The following C6orf52 variants were observed in gnomAD, a reference collection of about 807,000 sequenced individuals.
C6orf52 encodes chromosome 6 open reading frame 52, also known as putative uncharacterized protein C6orf52.
In C6orf52, 16 loss-of-function variants were observed where a neutral mutation model predicts 16.6. The ratio of observed to expected loss-of-function variants is 0.96; its 90% CI spans 0.65 to 1.46. The LOEUF is 1.46. Ranked by LOEUF, C6orf52 falls within the 40% of genes most tolerant of loss-of-function variation. C6orf52 has a pLI of 0.00. For missense variants in C6orf52, 166 were observed against 182.3 expected (o/e 0.91, Z 0.52); for synonymous variants, 53 against 61.4 (o/e 0.86, Z 0.64).
intron 1 of C6orf52, among the ~76,000 whole-genome samples, chr6:10,690,435 G>C (rs569345142): frequency 6.6e-6 from 1 of 152,064 alleles, no homozygotes; most frequent in Non-Finnish European, 1.5e-5. Context: ...ATACATTCAC[G>C]TGCAACCTCC....
At chr6:10,692,213 T>C (rs878958299) in intron 1 of C6orf52, among the ~76,000 whole-genome samples, 3 of 152,092 alleles carry the variant, frequency 2.0e-5, no homozygotes, top group Non-Finnish European at 2.9e-5. Context: ...TAAACAGATA[T>C]GTTGTGGAGT....
At chr6:10,686,421 G>GGT (rs1194479723) in intron 3 of C6orf52, among the ~76,000 whole-genome samples, 1 of 152,058 alleles carries the variant, frequency 6.6e-6, no homozygotes, top group African/African-American at 2.4e-5. Flanking sequence ...AAGGAGGAGG[G>GGT]GTGTGTGTGG....
intron 4 of C6orf52, among the ~76,000 whole-genome samples, chr6:10,676,883 C>T (rs1767942176): frequency 6.6e-6 from 1 of 152,188 alleles, no homozygotes; most frequent in Non-Finnish European, 1.5e-5. Context: ...TGGTGCAAGA[C>T]GACGAACCCT....
In C6orf52 at chr6:10,694,604, C is replaced by G. The variant is rs1769706448; in HGVS notation, c.-122G>C. On this transcript the variant is annotated 5_prime_UTR_variant, in exon 1 of 5. Coordinates refer to ENST00000259983, the MANE Select transcript of C6orf52 (RefSeq NM_001145020.3). Reference sequence around the variant, plus strand: ...TGCCGGCGCTACAGCCCCTAAGCAACCGGCCGGAAGTCGGCCCCACCTCCT... The same window carrying G: ...TGCCGGCGCTACAGCCCCTAAGCAAGCGGCCGGAAGTCGGCCCCACCTCCT... 5 of 196,272 alleles carry G rather than the reference C, an allele frequency of 2.5e-5. No homozygotes were observed. The highest frequency in any genetic ancestry group is 1.1e-4 in the Admixed American group (2 of 18,268). The allele number at this position is 196,272 out of a possible 1,614,324, so 12.2% of individuals were successfully genotyped here.
At chr6:10,672,689 C>A in intron 4 of C6orf52, 1 of 649,890 alleles carries the variant, frequency 1.5e-6, no homozygotes, top group Non-Finnish European at 2.8e-6. Flanking sequence ...AACTTGCTCA[C>A]ATTCTCTCCT....
At position 10,676,316 on chromosome 6, in the gene C6orf52, G is replaced by A. The variant is rs145703487; in HGVS notation, c.317-4718C>T. ...GCATATTAACCCCTTATTGATACAG[G>A]AGTTAAAAAGAAATTATTTAGGGTA... On this transcript the variant is annotated intron_variant, in intron 4 of 4. Transcript: ENST00000259983. Among the ~76,000 whole-genome samples the A allele has an allele frequency of 5.6e-3, 858 of 152,092 alleles. 7 individuals carry two copies. Among genetic ancestry groups the A allele is most frequent in the African/African-American group, 0.02 (818 of 41,462 alleles).
intron 4 of C6orf52, among the ~76,000 whole-genome samples, chr6:10,674,500 T>C (rs768532686): frequency 3.9e-5 from 6 of 152,206 alleles, no homozygotes; most frequent in Non-Finnish European, 7.3e-5. Flanking sequence ...ACTGTATGTA[T>C]TTATCACGTA....
chr6:10,684,313 G>C (rs1768662060), intron 3 of C6orf52, among the ~76,000 whole-genome samples: 1 of 152,100 alleles, frequency 6.6e-6, no homozygotes, highest in Non-Finnish European at 1.5e-5. Flanking sequence ...ATCTCTAAAA[G>C]CTAATTATAT....
At position 10,671,561 on chromosome 6, in the gene C6orf52, T is replaced by G; in HGVS notation, c.354A>C (p.Gln118His). The stretch of plus-strand genomic sequence containing the variant: ...GTTCTTCACTTTTCACCATAAACTC[T>G]TGGTTTGATTCCTCAATATTCAAAT... ...HLHLNIEESN[Q>H]EFMVKSEELY... Residue 118 changes from glutamine (Q) to histidine (H), a missense_variant, in exon 5 of 5, where the codon CAA becomes CAC. Transcript: ENST00000259983. The G allele has an allele frequency of 6.5e-7, 1 of 1,546,456 alleles. No homozygotes were observed. Among genetic ancestry groups the G allele is most frequent in the Non-Finnish European group, 8.7e-7 (1 of 1,144,276 alleles).
At chr6:10,693,360 A>G (rs1246551864) in intron 1 of C6orf52, among the ~76,000 whole-genome samples, 2 of 152,228 alleles carry the variant, frequency 1.3e-5, no homozygotes, top group Non-Finnish European at 2.9e-5. Flanking sequence ...CTCCATGCTG[A>G]CTTTTCTTCG....
At chr6:10,687,435 G>T in intron 2 of C6orf52, 45 bp downstream of exon 2, 1 of 1,316,458 alleles carries the variant, frequency 7.6e-7, no homozygotes, top group African/African-American at 1.5e-5. Flanking sequence ...GTAGCAAATA[G>T]AACAGTAACA....
At chr6:10,673,173 G>T (rs1046582289) in intron 4 of C6orf52, among the ~76,000 whole-genome samples, 3 of 152,166 alleles carry the variant, frequency 2.0e-5, no homozygotes, top group Admixed American at 2.0e-4. Flanking sequence ...GTTATGGGCA[G>T]TTGTCTGCTA....
rs187251719 is a variant in C6orf52, at chr6:10,672,003, C to T, written c.317-405G>A. ...TTGGACAGGGGTTTGTAAAAATACA[C>T]ATGCTACTTTAACTGCTCAGTTAAC... On this transcript the variant is annotated intron_variant, in intron 4 of 4. Coordinates refer to ENST00000259983, the MANE Select transcript of C6orf52 (RefSeq NM_001145020.3). Among the ~76,000 whole-genome samples the T allele has an allele frequency of 1.4e-4, 21 of 152,314 alleles. No individual in the cohort carries two copies. The East Asian group carries it at 4.1e-3, about 29-fold the overall frequency.
At chr6:10,683,023 T>C (rs1404859245) in intron 4 of C6orf52, among the ~76,000 whole-genome samples, 164 bp downstream of exon 4, 1 of 152,202 alleles carries the variant, frequency 6.6e-6, no homozygotes. Flanking sequence ...GTTGTTCCCA[T>C]AGAACCAGTT....
rs1311072909 is a variant in C6orf52, at chr6:10,694,494, C to G, written c.-12G>C. 2 of 156,752 alleles carry G rather than the reference C, an allele frequency of 1.3e-5. No homozygotes were observed. The allele number at this position is 156,752 out of a possible 1,614,324, so 9.7% of individuals were successfully genotyped here. A position where few individuals can be genotyped will look rare whatever the true frequency, so the allele number is the denominator to read the frequency against. Reference sequence around the variant, plus strand: ...GAACCCTAATCCCACCCCTCCTTACCCTATTAACGACAGAAAGCCTCGTTC... The same window carrying G: ...GAACCCTAATCCCACCCCTCCTTACGCTATTAACGACAGAAAGCCTCGTTC... On this transcript the variant is annotated splice_region_variant and 5_prime_UTR_variant, in exon 1 of 5. Coordinates refer to ENST00000259983, the MANE Select transcript of C6orf52 (RefSeq NM_001145020.3).
chr6:10,693,798 G>C (rs1020416848), intron 1 of C6orf52, among the ~76,000 whole-genome samples: 6 of 152,118 alleles, frequency 3.9e-5, no homozygotes, highest in Admixed American at 1.3e-4. Flanking sequence ...GAGCGATCTC[G>C]GCTCACTGCA....
At chr6:10,677,099 T>C (rs1476156699) in intron 4 of C6orf52, among the ~76,000 whole-genome samples, 3 of 152,242 alleles carry the variant, frequency 2.0e-5, no homozygotes, top group Non-Finnish European at 4.4e-5. Context: ...CCCAGACCAA[T>C]GTCGTGGAGC....
At chr6:10,684,183 C>T (rs1768653000) in intron 3 of C6orf52, among the ~76,000 whole-genome samples, 1 of 152,122 alleles carries the variant, frequency 6.6e-6, no homozygotes, top group Non-Finnish European at 1.5e-5. Context: ...GGCATGCAGC[C>T]GGTAGTCTCA....
intron 4 of C6orf52, among the ~76,000 whole-genome samples, chr6:10,677,454 C>G (rs1297991517): frequency 6.7e-6 from 1 of 150,018 alleles, no homozygotes; most frequent in African/African-American, 2.5e-5. Context: ...GATGCCTTCA[C>G]CCTTTTTTTT....
Sources: gnomAD v4.1 joint callset for allele counts (sites outside exome capture counted in the v4.1 genomes callset) on GRCh38, gnomAD v4.1.1 for gene constraint, MANE v1.5 for transcripts, NCBI Gene and HGNC (gene_info 2026-07-23, HGNC 2026-07-21) for gene names.